TMEM117: variants seen among roughly 807,000 people sequenced by gnomAD.
TMEM117 encodes the protein transmembrane protein 117.
A neutral mutation model predicts 52.4 loss-of-function variants in TMEM117; 27 were observed. That is an observed-to-expected ratio of 0.51 (90% CI 0.38 to 0.71). TMEM117 has a LOEUF of 0.71. TMEM117 is among the 30% of genes least tolerant of loss of function. The pLI is 0.00. For synonymous variants in TMEM117, 215 were observed against 206.3 expected (o/e 1.04, Z -0.36); for missense variants, 556 against 630.5 (o/e 0.88, Z 1.26).
chr12:44,132,484 T>C (rs1178074722), intron 3 of TMEM117, among the ~76,000 whole-genome samples: 1 of 152,094 alleles, frequency 6.6e-6, no homozygotes, highest in Non-Finnish European at 1.5e-5. Flanking sequence ...CATTTTTCTC[T>C]TTCATTCCTC....
chr12:44,230,740 T>A lies in TMEM117; in HGVS notation c.608+19353T>A, dbSNP rs186015585. On this transcript the variant is annotated intron_variant, in intron 5 of 7. Transcript: ENST00000266534. ...TAATAGAATCTCAAAGCTGATATTA[T>A]GCGTCTTTTTTCTTGGGCCTTTAGC... is the stretch of plus-strand genomic sequence containing the variant. Among the ~76,000 whole-genome samples the A allele has an allele frequency of 3.9e-4, 59 of 152,176 alleles. No individual in the cohort carries two copies. In the South Asian group the frequency reaches 0.012, roughly 30 times the overall value.
At chr12:44,204,803 G>A (rs67184817) in intron 4 of TMEM117, among the ~76,000 whole-genome samples, 37,013 of 151,986 alleles carry the variant, frequency 0.24, 7,996 homozygotes, top group African/African-American at 0.59. Flanking sequence ...GCAATGGGGA[G>A]GGGACTCCCT....
At chr12:43,968,860 T>C (rs1945527671) in intron 3 of TMEM117, among the ~76,000 whole-genome samples, 1 of 152,236 alleles carries the variant, frequency 6.6e-6, no homozygotes, top group Admixed American at 6.5e-5. Context: ...TGGCAGTTTT[T>C]ACTGCAGCCT....
At chr12:43,987,604 A>G (rs1945870252) in intron 3 of TMEM117, among the ~76,000 whole-genome samples, 2 of 151,192 alleles carry the variant, frequency 1.3e-5, no homozygotes, top group South Asian at 2.1e-4. Flanking sequence ...TTGAAAACAT[A>G]TTAATCTAAT....
At chr12:43,914,664 T>TC (rs1944570720) in intron 2 of TMEM117, among the ~76,000 whole-genome samples, 1 of 152,100 alleles carries the variant, frequency 6.6e-6, no homozygotes, top group Non-Finnish European at 1.5e-5. Context: ...TTGGTGAGAT[T>TC]TCATGGTAGC....
rs1035743755 is a variant in TMEM117, at chr12:43,855,502, C to A, written c.277+10574C>A. Among the ~76,000 whole-genome samples, 79 of 152,142 alleles carry A rather than the reference C, an allele frequency of 5.2e-4. 2 individuals carry two copies. The highest frequency in any genetic ancestry group is 1.5e-5 in the Non-Finnish European group (1 of 68,028). On this transcript the variant is annotated intron_variant, in intron 2 of 7. Coordinates refer to ENST00000266534, the MANE Select transcript of TMEM117 (RefSeq NM_032256.3). ...ATAGAATAATTTGATAACTAAATATCTGCCATAGATGAATACATGCTAAAG... is the reference window on the plus strand; with the variant it reads ...ATAGAATAATTTGATAACTAAATATATGCCATAGATGAATACATGCTAAAG...
chr12:44,262,801 A>T (rs1950335324), intron 5 of TMEM117, among the ~76,000 whole-genome samples: 1 of 152,116 alleles, frequency 6.6e-6, no homozygotes, highest in Non-Finnish European at 1.5e-5. Context: ...GTTAGCCAAG[A>T]TGGTCTCCAT....
rs1032701827 is a variant in TMEM117 at position 44,141,662 on chromosome 12, G to A, written c.411-1863G>A. ...CAAGTTCTTCAAATTAGGTATCATTGAAAGAACTGGGCAATTACCAGAGCT... is the reference window on the plus strand; with the variant it reads ...CAAGTTCTTCAAATTAGGTATCATTAAAAGAACTGGGCAATTACCAGAGCT... On this transcript the variant is annotated intron_variant, in intron 3 of 7. Transcript: ENST00000266534. Among the ~76,000 whole-genome samples the A allele has an allele frequency of 5.3e-5, 8 of 152,096 alleles. 1 individual carries two copies. The highest frequency in any genetic ancestry group is 1.9e-4 in the African/African-American group (8 of 41,422).
chr12:43,862,986 A>G (rs1350645157), intron 2 of TMEM117, among the ~76,000 whole-genome samples: 1 of 119,296 alleles, frequency 8.4e-6, no homozygotes, highest in Admixed American at 8.4e-5. Flanking sequence ...ACAAACAAAC[A>G]AAAAAACCAA....
chr12:44,362,101 G>A (rs1248150688), intron 6 of TMEM117, among the ~76,000 whole-genome samples: 1 of 152,064 alleles, frequency 6.6e-6, no homozygotes, highest in African/African-American at 2.4e-5. Context: ...ATGCCTCGCA[G>A]GGTGCCCTCT....
intron 4 of TMEM117, among the ~76,000 whole-genome samples, chr12:44,203,474 G>T (rs927171465): frequency 6.6e-6 from 1 of 151,840 alleles, no homozygotes; most frequent in Non-Finnish European, 1.5e-5. Flanking sequence ...TCTGGTTTTG[G>T]TTACTCATTT....
At chr12:44,360,167 ATATAAT>A (rs1293949794) in intron 6 of TMEM117, among the ~76,000 whole-genome samples, 1 of 152,166 alleles carries the variant, frequency 6.6e-6, no homozygotes, top group Non-Finnish European at 1.5e-5. Flanking sequence ...AAGAAAGTAA[ATATAAT>A]TGTAAATTTT....
intron 6 of TMEM117, chr12:44,376,391 A>C: frequency 1.5e-6 from 1 of 653,374 alleles, no homozygotes; most frequent in Non-Finnish European, 2.7e-6. Flanking sequence ...CTGAAGATAT[A>C]AGTTATGACT....
chr12:44,152,788 C>A (rs1438816749), intron 4 of TMEM117, among the ~76,000 whole-genome samples: 1 of 136,168 alleles, frequency 7.3e-6, no homozygotes, highest in Admixed American at 7.8e-5. Flanking sequence ...TATGGTGTCA[C>A]ATAAATATAT....
At chr12:44,008,656 G>A (rs971741317) in intron 3 of TMEM117, 9 of 256,390 alleles carry the variant, frequency 3.5e-5, no homozygotes, top group Non-Finnish European at 6.2e-5. Context: ...TCCTTCTTCT[G>A]TGGCTTTTCT....
the TMEM117 span, among the ~76,000 whole-genome samples, chr12:43,815,340 CT>C: frequency 6.6e-6 from 1 of 152,078 alleles, no homozygotes; most frequent in South Asian, 2.1e-4. Flanking sequence ...AATTTTAAGC[CT>C]TGTGACGAGT....
chr12:43,860,917 G>C (rs1439806109), intron 2 of TMEM117, among the ~76,000 whole-genome samples: 1 of 152,124 alleles, frequency 6.6e-6, no homozygotes, highest in Non-Finnish European at 1.5e-5. Flanking sequence ...TATTCTGAGA[G>C]AATGCAGGAT....
intron 3 of TMEM117, among the ~76,000 whole-genome samples, chr12:44,127,850 C>T (rs1257991807): frequency 6.6e-6 from 1 of 152,178 alleles, no homozygotes; most frequent in Non-Finnish European, 1.5e-5. Flanking sequence ...GTTGCCAGAT[C>T]CACAGTTGCA....
intron 2 of TMEM117, among the ~76,000 whole-genome samples, chr12:43,932,575 G>T (rs1944888657): frequency 6.6e-6 from 1 of 152,140 alleles, no homozygotes; most frequent in Admixed American, 6.5e-5. Context: ...CCTGGACTCT[G>T]CCTTCAAACT....
Sources: gnomAD v4.1 joint callset for allele counts (sites outside exome capture counted in the v4.1 genomes callset) on GRCh38, gnomAD v4.1.1 for gene constraint, MANE v1.5 for transcripts, NCBI Gene and HGNC (gene_info 2026-07-23, HGNC 2026-07-21) for gene names.